The following DTWD1 variants were observed in gnomAD, a reference collection of about 807,000 sequenced individuals.
DTWD1 encodes the protein tRNA-uridine aminocarboxypropyltransferase 1.
DTWD1 carries 27 observed loss-of-function variants against 30.2 expected under a neutral mutation model. That is an observed-to-expected ratio of 0.90 (90% confidence interval 0.66 to 1.23). The LOEUF is 1.23. Among genes scored for constraint, DTWD1 ranks in the 50% most tolerant of loss-of-function variants. DTWD1 has a pLI of 0.00. For missense variants in DTWD1, 342 were observed against 348.8 expected (o/e 0.98, Z 0.15); for synonymous variants, 99 against 113.1 (o/e 0.88, Z 0.79).
chr15:49,643,378 CATCAAAAAGGAAAGCCAGAT>C lies in DTWD1; in HGVS notation c.717_736del (p.Gln240PhefsTer6), dbSNP rs1327804445. On this transcript the variant is annotated frameshift_variant, in exon 5 of 5. Transcript: ENST00000403028. LOFTEE classifies it high-confidence loss of function. ...AACAAGAAAAACTTGCTTTTGGCGC[CATCAAAAAGGAAAGCCAGAT>C]ACTTTCCTTTCTACAATTGAAGCCA... is the stretch of plus-strand genomic sequence containing the variant. 6.4e-6 allele frequency: 10 copies of C among 1,573,800 alleles called. No individual in the cohort carries two copies. The highest frequency in any genetic ancestry group is 8.6e-6 in the Non-Finnish European group (10 of 1,166,698).
chr15:49,634,583 T>A lies in DTWD1; in HGVS notation c.456T>A (p.Ile152=). The A allele has an allele frequency of 6.2e-7, 1 of 1,613,468 alleles. No homozygotes were observed. Among genetic ancestry groups the A allele is most frequent in the Non-Finnish European group, 8.5e-7 (1 of 1,179,716 alleles). ...PGPQSISIKD[I]SFHLQKRIQN... Reference sequence around the variant, plus strand: ...CTCAGTCTATCTCAATAAAAGATATTTCTTTTCATCTGCAAAAAAGGATTC... The same window carrying A: ...CTCAGTCTATCTCAATAAAAGATATATCTTTTCATCTGCAAAAAAGGATTC... The change falls in exon 4 of 5, where the codon ATT becomes ATA. Residue 152 remains isoleucine, a synonymous_variant. Coordinates refer to ENST00000403028, the MANE Select transcript of DTWD1 (RefSeq NM_001144955.2).
intron 3 of DTWD1, 87 bp from the exon 4 acceptor site, chr15:49,634,449 A>G: frequency 1.4e-6 from 2 of 1,392,614 alleles, no homozygotes; most frequent in Non-Finnish European, 1.9e-6. Flanking sequence ...TATTCAACAT[A>G]TCTTTCTTAA....
At chr15:49,627,717 A>C (rs1301844309) in intron 2 of DTWD1, among the ~76,000 whole-genome samples, 1 of 152,208 alleles carries the variant, frequency 6.6e-6, no homozygotes, top group Non-Finnish European at 1.5e-5. Flanking sequence ...ATAGAAAAGT[A>C]CAGTAGAAGT....
chr15:49,623,028 C>T (rs1476763074), intron 1 of DTWD1, among the ~76,000 whole-genome samples: 1 of 152,120 alleles, frequency 6.6e-6, no homozygotes, highest in Admixed American at 6.5e-5. Flanking sequence ...CTTTCAGTGC[C>T]CTAGGATAAC....
At chr15:49,633,991 T>C (rs2078966615) in intron 3 of DTWD1, among the ~76,000 whole-genome samples, 1 of 152,224 alleles carries the variant, frequency 6.6e-6, no homozygotes, top group Non-Finnish European at 1.5e-5. Flanking sequence ...GATTATTTTA[T>C]TACATTCACA....
At chr15:49,623,483 C>T (rs1264376388) in intron 1 of DTWD1, among the ~76,000 whole-genome samples, 1 of 151,706 alleles carries the variant, frequency 6.6e-6, no homozygotes, top group Non-Finnish European at 1.5e-5. Flanking sequence ...AGACTGTTCT[C>T]AAACTCTTGT....
chr15:49,621,815 A>G (rs2078727621), intron 1 of DTWD1, among the ~76,000 whole-genome samples: 1 of 152,154 alleles, frequency 6.6e-6, no homozygotes, highest in African/African-American at 2.4e-5. Flanking sequence ...AAAGGGTACT[A>G]CTACCTTGGA....
At position 49,645,480 on chromosome 15, in the gene DTWD1, A is replaced by G. The variant is rs1323130003; in HGVS notation, c.*1902A>G. ...TTGCTTATTTTAGCAGTTATTCTAC[A>G]AGAATGGAATTAAAATAGATTTTTT... On this transcript the variant is annotated 3_prime_UTR_variant, in exon 5 of 5. Coordinates refer to ENST00000403028, the MANE Select transcript of DTWD1 (RefSeq NM_001144955.2). 1 of 152,166 alleles carries G rather than the reference A, an allele frequency of 6.6e-6. No homozygotes were observed. Among genetic ancestry groups the G allele is most frequent in the African/African-American group, 2.4e-5 (1 of 41,458 alleles). The allele number at this position is 152,166 out of a possible 1,614,324, so 9.4% of individuals were successfully genotyped here.
intron 4 of DTWD1, 110 bp from the exon 5 acceptor site, chr15:49,643,221 T>C: frequency 1.6e-6 from 2 of 1,283,568 alleles, no homozygotes; most frequent in Non-Finnish European, 2.0e-6. Flanking sequence ...TAAAAAAAAA[T>C]TCTTAGAATA....
At position 49,625,204 on chromosome 15, in the gene DTWD1, G is replaced by A. The variant is rs11539519; in HGVS notation, c.37G>A (p.Glu13Lys). The A allele has an allele frequency of 0.015, 23,680 of 1,613,206 alleles. 258 individuals are homozygous for A. The highest frequency in any genetic ancestry group is 0.028 in the African/African-American group (2,112 of 74,990). ...TCCACCTATATTTCTCAAACGAAGT[G>A]AAGAAAATAGTTCAAAATTTGTGGA... is the stretch of plus-strand genomic sequence containing the variant. ...LNPPIFLKRS[E>K]ENSSKFVETK... is the part of the protein sequence containing the mutation. Residue 13 changes from glutamate (E) to lysine (K), a missense_variant, in exon 2 of 5, where the codon GAA becomes AAA. Transcript: ENST00000403028.
rs1468092540 is a variant in DTWD1 at position 49,653,527 on chromosome 15, A to G, written c.*9949A>G. 6.6e-6 allele frequency: 1 copy of G among 152,174 alleles called. No individual in the cohort carries two copies. Among genetic ancestry groups the G allele is most frequent in the Non-Finnish European group, 1.5e-5 (1 of 68,018 alleles). 9.4% of individuals were successfully genotyped at this position (152,174 alleles called of 1,614,324 possible). Reference sequence around the variant, plus strand: ...GCACACTATAATACATGTGGCAAGAAGCTGCCAGCTAAGCCTTGAAGAATA... The same window carrying G: ...GCACACTATAATACATGTGGCAAGAGGCTGCCAGCTAAGCCTTGAAGAATA... On this transcript the variant is annotated 3_prime_UTR_variant, in exon 5 of 5. Coordinates refer to ENST00000403028, the MANE Select transcript of DTWD1 (RefSeq NM_001144955.2).
Position 49,647,067 on chromosome 15 carries a change from A to G in DTWD1, c.*3489A>G, listed in dbSNP as rs1478419123. 1 of 152,222 alleles carries G rather than the reference A, an allele frequency of 6.6e-6. No homozygotes were observed. The highest frequency in any genetic ancestry group is 2.4e-5 in the African/African-American group (1 of 41,468). 9.4% of individuals were successfully genotyped at this position (152,222 alleles called of 1,614,324 possible). On this transcript the variant is annotated 3_prime_UTR_variant, in exon 5 of 5. Transcript: ENST00000403028. ...GGCTGCAGCAGAAGAGATTTAGAGAAGCAGTGACTAACTAGGTCAGCCGGA... is the reference window on the plus strand; with the variant it reads ...GGCTGCAGCAGAAGAGATTTAGAGAGGCAGTGACTAACTAGGTCAGCCGGA...
intron 2 of DTWD1, chr15:49,626,644 G>C: frequency 5.8e-6 from 2 of 342,910 alleles, no homozygotes; most frequent in Non-Finnish European, 1.2e-5. Context: ...AAAAAAATAA[G>C]TTGTAGCTAT....
chr15:49,624,882 A>G (rs2078819112), intron 1 of DTWD1, among the ~76,000 whole-genome samples: 1 of 152,248 alleles, frequency 6.6e-6, no homozygotes, highest in Non-Finnish European at 1.5e-5. Context: ...GGAACAAAAA[A>G]GGGTTCTTGA....
Position 49,654,187 on chromosome 15 carries a change from G to A in DTWD1, c.*10609G>A, listed in dbSNP as rs2079167507. 6.6e-6 allele frequency: 1 copy of A among 152,062 alleles called. No individual in the cohort carries two copies. The highest frequency in any genetic ancestry group is 6.6e-5 in the Admixed American group (1 of 15,238). 9.4% of individuals were successfully genotyped at this position (152,062 alleles called of 1,614,324 possible). A position where few individuals can be genotyped will look rare whatever the true frequency, so the allele number is the denominator to read the frequency against. On this transcript the variant is annotated 3_prime_UTR_variant, in exon 5 of 5. Coordinates refer to ENST00000403028, the MANE Select transcript of DTWD1 (RefSeq NM_001144955.2). ...GAGGAAGTTTATTGTATCTGGACAT[G>A]GTTTAGATGATAAGATTCTGAACTT...
chr15:49,642,212 C>T (rs1181577632), intron 4 of DTWD1, among the ~76,000 whole-genome samples: 1 of 152,074 alleles, frequency 6.6e-6, no homozygotes, highest in Non-Finnish European at 1.5e-5. Flanking sequence ...GTCATTGGGC[C>T]AATTTTGATG....
chr15:49,633,152 T>G (rs566855822), intron 3 of DTWD1, among the ~76,000 whole-genome samples: 1 of 150,974 alleles, frequency 6.6e-6, no homozygotes, highest in East Asian at 1.9e-4. Context: ...TGTTTCTTTC[T>G]CTGGTCAGCT....
rs1050701067 is a variant in DTWD1 at position 49,655,641 on chromosome 15, C to T, written c.*12063C>T. On this transcript the variant is annotated 3_prime_UTR_variant, in exon 5 of 5. Transcript: ENST00000403028. ...CAAAAGATTATCTAGCCTACAGGGC[C>T]GATGAGGTATAGCTTGAAGTCATTC... 1 of 151,884 alleles carries T rather than the reference C, an allele frequency of 6.6e-6. No homozygotes were observed. Among genetic ancestry groups the T allele is most frequent in the African/African-American group, 2.4e-5 (1 of 41,368 alleles). The allele number at this position is 151,884 out of a possible 1,614,324, so 9.4% of individuals were successfully genotyped here. A position where few individuals can be genotyped will look rare whatever the true frequency, so the allele number is the denominator to read the frequency against.
rs1462931704 is a variant in DTWD1 at position 49,651,630 on chromosome 15, G to A, written c.*8052G>A. On this transcript the variant is annotated 3_prime_UTR_variant, in exon 5 of 5. Transcript: ENST00000403028. The stretch of plus-strand genomic sequence containing the variant: ...CTTCAATATCAAGTTGGTTACATTG[G>A]GCCCCTTCCACACTGGAAGGACCAG... 2 of 151,982 alleles carry A rather than the reference G, an allele frequency of 1.3e-5. No homozygotes were observed. Among genetic ancestry groups the A allele is most frequent in the Admixed American group, 6.6e-5 (1 of 15,226 alleles). The allele number at this position is 151,982 out of a possible 1,614,324, so 9.4% of individuals were successfully genotyped here. A position where few individuals can be genotyped will look rare whatever the true frequency, so the allele number is the denominator to read the frequency against.
Sources: gnomAD v4.1 joint callset for allele counts (sites outside exome capture counted in the v4.1 genomes callset) on GRCh38, gnomAD v4.1.1 for gene constraint, MANE v1.5 for transcripts, NCBI Gene and HGNC (gene_info 2026-07-23, HGNC 2026-07-21) for gene names.